The following MYL2 variants were observed in gnomAD, a reference collection of about 807,000 sequenced individuals.
The protein encoded by MYL2 is myosin light chain 2.
A neutral mutation model predicts 23.0 loss-of-function variants in MYL2; 19 were observed. The observed-to-expected ratio is 0.83, with a 90% CI of 0.58 to 1.21. The LOEUF (loss-of-function observed/expected upper bound fraction) is 1.21. MYL2 is among the 50% of genes most tolerant of loss of function. The pLI, the probability that MYL2 is intolerant of heterozygous loss-of-function variation, is 0.00. For missense variants in MYL2, 180 were observed against 215.1 expected (o/e 0.84, Z 1.02); for synonymous variants, 78 against 76.2 (o/e 1.02, Z -0.13).
chr12:110,915,901 T>C (rs1236590543), intron 2 of MYL2, 111 bp from the exon 3 acceptor site: 5 of 861,904 alleles, frequency 5.8e-6, no homozygotes, highest in Non-Finnish European at 1.0e-5. Context: ...CAAAGATCAT[T>C]GTAGGACCTC....
At chr12:110,915,902 G>T (rs2515925) in intron 2 of MYL2, 112 bp from the exon 3 acceptor site, 7 of 859,906 alleles carry the variant, frequency 8.1e-6, no homozygotes, top group Non-Finnish European at 1.4e-5. Context: ...AAAGATCATT[G>T]TAGGACCTCA....
chr12:110,912,422 A>G (rs1433927863), intron 6 of MYL2, among the ~76,000 whole-genome samples: 1 of 152,254 alleles, frequency 6.6e-6, no homozygotes, highest in Non-Finnish European at 1.5e-5. Context: ...CACAACTCAC[A>G]TGACAGTATG....
Position 110,918,172 on chromosome 12 carries a change from G to T in MYL2, c.93+932C>A, listed in dbSNP as rs2071698647. ...GCCAGGTGGGAATGTGGATGAGTCA[G>T]TGTGAGCCCTCGCAACGGCTGGAAA... On this transcript the variant is annotated intron_variant, in intron 2 of 6. Coordinates refer to ENST00000228841, the MANE Select transcript of MYL2 (RefSeq NM_000432.4). This position sits in a 1 kb window ranked among gnomAD's most constrained non-coding sequence, Gnocchi z 4.4. Among the ~76,000 whole-genome samples, 1 of 152,174 alleles carries T rather than the reference G, an allele frequency of 6.6e-6. No homozygotes were observed. The highest frequency in any genetic ancestry group is 1.9e-4 in the East Asian group (1 of 5,190).
intron 3 of MYL2, among the ~76,000 whole-genome samples, chr12:110,914,985 G>T (rs1192259213): frequency 1.3e-5 from 2 of 152,226 alleles, no homozygotes; most frequent in Non-Finnish European, 2.9e-5. Flanking sequence ...AGTTAAACCT[G>T]CTGTAACCCA....
chr12:110,920,400 C>T, intron 1 of MYL2, 127 bp downstream of exon 1: 1 of 1,414,398 alleles, frequency 7.1e-7, no homozygotes, highest in Non-Finnish European at 9.9e-7. Flanking sequence ...GTCAATGGGG[C>T]TTTTTCCACA....
intron 4 of MYL2, 50 bp from the exon 5 acceptor site, chr12:110,913,374 T>A: frequency 6.3e-7 from 1 of 1,593,458 alleles, no homozygotes; most frequent in Non-Finnish European, 8.6e-7. Flanking sequence ...TGGGAACCAC[T>A]GGCACCCCAG....
intron 3 of MYL2, 165 bp from the exon 4 acceptor site, chr12:110,914,455 T>A: frequency 1.5e-6 from 1 of 677,868 alleles, no homozygotes. Context: ...TTCTTGACAG[T>A]GTTATTTATA....
At chr12:110,919,974 CGGAGTTGAACTTGGGCGTTGAACTTGG>C (rs1205886901) in intron 1 of MYL2, among the ~76,000 whole-genome samples, 14 of 152,132 alleles carry the variant, frequency 9.2e-5, no homozygotes, top group Admixed American at 9.2e-4. Flanking sequence ...AAGGCAGAGC[CGGAGTTGAACTTGGGCGTTGAACTTGG>C]GGAGTTGAAC....
Position 110,918,356 on chromosome 12 carries a change from T to C in MYL2, c.93+748A>G, listed in dbSNP as rs1387004311. Reference sequence around the variant, plus strand: ...GTAAAATGTAAAACCCAGAAGATACTGCTTTTCACCTCTCAGACTGGCAAA... The same window carrying C: ...GTAAAATGTAAAACCCAGAAGATACCGCTTTTCACCTCTCAGACTGGCAAA... On this transcript the variant is annotated intron_variant, in intron 2 of 6. Coordinates refer to ENST00000228841, the MANE Select transcript of MYL2 (RefSeq NM_000432.4). This position sits in a 1 kb window ranked among gnomAD's most constrained non-coding sequence, Gnocchi z 4.4. Among the ~76,000 whole-genome samples the C allele has an allele frequency of 6.6e-6, 1 of 152,132 alleles. No homozygotes were observed. The highest frequency in any genetic ancestry group is 1.5e-5 in the Non-Finnish European group (1 of 68,034).
chr12:110,913,992 A>G (rs909844616), intron 4 of MYL2, among the ~76,000 whole-genome samples, 194 bp downstream of exon 4: 3 of 152,250 alleles, frequency 2.0e-5, no homozygotes. Context: ...CCTGACCTCA[A>G]GTGATCTGCC....
chr12:110,911,230 G>A (rs2071650734), intron 6 of MYL2, 55 bp from the exon 7 acceptor site: 2 of 900,220 alleles, frequency 2.2e-6, no homozygotes, highest in Non-Finnish European at 3.5e-6. Context: ...CTGAGACGGA[G>A]GGTGGGGGGC....
chr12:110,919,315 G>GATGCT, intron 1 of MYL2, 122 bp from the exon 2 acceptor site: 4 of 761,456 alleles, frequency 5.3e-6, no homozygotes, highest in South Asian at 1.7e-5. Flanking sequence ...GTGAAATGTG[G>GATGCT]GTACAGCATC....
At chr12:110,920,828 C>A (rs778951267), upstream of MYL2, 5 of 550,330 alleles carry the variant, frequency 9.1e-6, no homozygotes, top group Non-Finnish European at 1.6e-5. Flanking sequence ...CTCTGCGGTG[C>A]TTGGGCCGGG....
intron 4 of MYL2, among the ~76,000 whole-genome samples, chr12:110,913,801 G>A (rs1028545445): frequency 6.6e-6 from 1 of 152,112 alleles, no homozygotes; most frequent in Non-Finnish European, 1.5e-5. Flanking sequence ...TACCAAGGCC[G>A]GAGTGCAGTG....
chr12:110,911,017 G>C lies in MYL2; in HGVS notation c.*60C>G. 7.0e-7 allele frequency: 1 copy of C among 1,425,510 alleles called. No homozygotes were observed. Among genetic ancestry groups the C allele is most frequent in the Non-Finnish European group, 9.9e-7 (1 of 1,008,586 alleles). The allele number at this position is 1,425,510 out of a possible 1,614,324, so 88.3% of individuals were successfully genotyped here. A position where few individuals can be genotyped will look rare whatever the true frequency, so the allele number is the denominator to read the frequency against. ...GGACAGAGGCGGTACTCGGGGGAGA[G>C]AGATGAGGGCAGGGACCACTCTGCA... On this transcript the variant is annotated 3_prime_UTR_variant, in exon 7 of 7. Coordinates refer to ENST00000228841, the MANE Select transcript of MYL2 (RefSeq NM_000432.4).
At position 110,913,336 on chromosome 12, in the gene MYL2, C is replaced by T. The variant is rs750937792; in HGVS notation, c.275-12G>A. On this transcript the variant is annotated splice_polypyrimidine_tract_variant and intron_variant, in intron 4 of 6. Transcript: ENST00000228841. ...CTCAGGGTCCGCTCCTGAAACGGAA[C>T]ACAGGGCTTACATGTACTGGGGGTG... 2.4e-5 allele frequency: 38 copies of T among 1,614,084 alleles called. 1 individual carries two copies. In the Middle Eastern group the frequency reaches 6.6e-4, roughly 28 times the overall value.
At chr12:110,915,033 C>A (rs181422910) in intron 3 of MYL2, among the ~76,000 whole-genome samples, 146 of 152,300 alleles carry the variant, frequency 9.6e-4, no homozygotes, top group Non-Finnish European at 2.2e-4. Context: ...TCTAGTCCTG[C>A]CACAAGCCTA....
Position 110,911,145 on chromosome 12 carries a change from CA to C in MYL2, c.432del (p.Asp145ThrfsTer2), listed in dbSNP as rs2071649414. 4 of 1,612,394 alleles carry C rather than the reference CA, an allele frequency of 2.5e-6. No homozygotes were observed. Among genetic ancestry groups the C allele is most frequent in the Non-Finnish European group, 3.4e-6 (4 of 1,179,564 alleles). On this transcript the variant is annotated frameshift_variant, in exon 7 of 7. Transcript: ENST00000228841. LOFTEE classifies it high-confidence loss of function. ...EVDQMFAAFPPDVTGNLDYKN... is the reference protein window; with the variant it reads ...EVDQMFAAFPXDVTGNLDYKN... ...TTGTAGTCCAAGTTGCCAGTCACGT[CA>C]GGGGGGAAGGCGGCGAACATCTGGT...
At chr12:110,911,221 T>C (rs1342035485) in intron 6 of MYL2, 46 bp from the exon 7 acceptor site, 4 of 456,484 alleles carry the variant, frequency 8.8e-6, no homozygotes, top group South Asian at 6.5e-5. Context: ...GGAGGGGAAC[T>C]GAGACGGAGG....
Sources: allele counts gnomAD v4.1 joint callset (sites outside exome capture counted in the v4.1 genomes callset), GRCh38; gene constraint gnomAD v4.1.1; non-coding constraint Gnocchi (gnomAD v3.1); transcripts MANE v1.5; gene names NCBI Gene and HGNC (gene_info 2026-07-23, HGNC 2026-07-21).